The following ARID4B variants were observed in gnomAD, a reference collection of about 807,000 sequenced individuals.
ARID4B encodes the protein AT-rich interaction domain 4B.
A neutral mutation model predicts 147.5 loss-of-function variants in ARID4B; 26 were observed. That is an observed-to-expected ratio of 0.18 (90% CI 0.13 to 0.24). The LOEUF (loss-of-function observed/expected upper bound fraction) is 0.24, where lower values mean the gene tolerates loss of function less well. Among genes scored for constraint, ARID4B ranks in the 10% least tolerant of loss-of-function variants. The pLI is 1.00. For synonymous variants in ARID4B, 512 were observed against 507.9 expected, an observed-to-expected ratio of 1.01 and a Z score of -0.11; for missense variants, 1,179 against 1,511.5, an observed-to-expected ratio of 0.78 and a Z score of 3.65.
At chr1:235,237,236 C>T (rs1668668013) in intron 8 of ARID4B, among the ~76,000 whole-genome samples, 1 of 151,916 alleles carries the variant, frequency 6.6e-6, no homozygotes, top group African/African-American at 2.4e-5. Flanking sequence ...AAGAAAGAAT[C>T]GCAAACACTG....
At chr1:235,238,696 G>A (rs200544927) in intron 8 of ARID4B, among the ~76,000 whole-genome samples, 2 of 152,126 alleles carry the variant, frequency 1.3e-5, no homozygotes, top group East Asian at 3.9e-4. Flanking sequence ...TATTTACAAA[G>A]TATTTAAAAA....
chr1:235,270,840 T>TCATGATCTG (rs59358887), intron 2 of ARID4B, among the ~76,000 whole-genome samples: 19,867 of 152,002 alleles, frequency 0.13, 1,490 homozygotes, highest in African/African-American at 0.2. Flanking sequence ...ACATAAACTT[T>TCATGATCTG]CATGATCTGG....
At chr1:235,215,907 A>AT (rs1205216673) in intron 16 of ARID4B, among the ~76,000 whole-genome samples, 1 of 151,842 alleles carries the variant, frequency 6.6e-6, no homozygotes, top group Non-Finnish European at 1.5e-5. Flanking sequence ...TAATATTTAT[A>AT]TTAAAAAAAA....
intron 8 of ARID4B, among the ~76,000 whole-genome samples, chr1:235,238,980 T>C (rs965034129): frequency 1.1e-4 from 15 of 138,240 alleles, no homozygotes; most frequent in African/African-American, 1.6e-4. Flanking sequence ...ATTCTTTTTT[T>C]TTCTTCTTTT....
intron 4 of ARID4B, among the ~76,000 whole-genome samples, 161 bp from the exon 5 acceptor site, chr1:235,255,911 C>T (rs1201459199): frequency 2.0e-5 from 3 of 152,056 alleles, no homozygotes; most frequent in Admixed American, 6.6e-5. Flanking sequence ...CAGTGGCTCA[C>T]GCCTGCAATC....
At position 235,240,393 on chromosome 1, in the gene ARID4B, T is replaced by C. The variant is rs759515175; in HGVS notation, c.505A>G (p.Ile169Val). The C allele has an allele frequency of 2.5e-6, 4 of 1,613,516 alleles. No individual in the cohort carries two copies. The highest frequency in any genetic ancestry group is 3.4e-6 in the Non-Finnish European group (4 of 1,179,622). ...SDEDEDDRKQ[I>V]DELLGKVVCV... ...ACAACTTTGCCTAGTAGCTCATCAA[T>C]CTGTTTCCTATCATCCTCATCTTCA... is the stretch of plus-strand genomic sequence containing the variant. The change falls in exon 8 of 24, where the codon ATT becomes GTT. Residue 169 changes from isoleucine (I) to valine (V), a missense_variant. Physicochemically the swap from Ile to Val is conservative, Grantham distance 29. Coordinates refer to ENST00000264183, the MANE Select transcript of ARID4B (RefSeq NM_016374.6).
intron 2 of ARID4B, among the ~76,000 whole-genome samples, chr1:235,314,125 G>A (rs1193562288): frequency 6.6e-6 from 1 of 152,056 alleles, no homozygotes; most frequent in Admixed American, 6.6e-5. Context: ...TATTTTAGAT[G>A]AGGACACCAG....
intron 8 of ARID4B, among the ~76,000 whole-genome samples, chr1:235,234,730 C>CAG (rs962698745): frequency 1.3e-5 from 2 of 152,082 alleles, no homozygotes; most frequent in Middle Eastern, 6.3e-3. Context: ...GCATTGAAAG[C>CAG]AGAAGCACAG....
intron 2 of ARID4B, among the ~76,000 whole-genome samples, chr1:235,268,720 G>A (rs2103136379): frequency 6.6e-6 from 1 of 152,228 alleles, no homozygotes; most frequent in Admixed American, 6.5e-5. Flanking sequence ...ATTTCACCAT[G>A]TTGGTCAGGC....
chr1:235,308,083 A>ATTT (rs368457519), intron 2 of ARID4B, among the ~76,000 whole-genome samples: 15 of 102,758 alleles, frequency 1.5e-4, no homozygotes, highest in African/African-American at 3.3e-4. Flanking sequence ...ATTTCTTCTA[A>ATTT]TTTTTTTTTT....
At chr1:235,264,508 T>C (rs1232981968) in intron 2 of ARID4B, among the ~76,000 whole-genome samples, 1 of 152,212 alleles carries the variant, frequency 6.6e-6, no homozygotes, top group Non-Finnish European at 1.5e-5. Flanking sequence ...GGCAAGGTCC[T>C]AATCCAAGCT....
chr1:235,275,093 A>G (rs866567778), intron 2 of ARID4B, among the ~76,000 whole-genome samples: 6 of 152,196 alleles, frequency 3.9e-5, no homozygotes, highest in South Asian at 4.1e-4. Flanking sequence ...TCATATTTTA[A>G]TAAGTAAAAT....
At chr1:235,185,017 A>T (rs774334351) in intron 19 of ARID4B, among the ~76,000 whole-genome samples, 1 of 152,132 alleles carries the variant, frequency 6.6e-6, no homozygotes, top group Non-Finnish European at 1.5e-5. Flanking sequence ...AAGTTTCATC[A>T]TTTTAGACAG....
intron 2 of ARID4B, among the ~76,000 whole-genome samples, chr1:235,303,016 C>A (rs1238550040): frequency 6.6e-6 from 1 of 152,034 alleles, no homozygotes; most frequent in Admixed American, 6.5e-5. Flanking sequence ...CTCCGCCTCC[C>A]GGGTTCACGC....
chr1:235,252,588 C>T, intron 6 of ARID4B, 142 bp downstream of exon 6: 1 of 562,432 alleles, frequency 1.8e-6, no homozygotes, highest in Middle Eastern at 5.0e-4. Context: ...CTTAAACAGG[C>T]TTCACAGATT....
intron 2 of ARID4B, among the ~76,000 whole-genome samples, chr1:235,317,582 T>C (rs1674528017): frequency 6.6e-6 from 1 of 152,224 alleles, no homozygotes; most frequent in African/African-American, 2.4e-5. Flanking sequence ...CTGCTTTTTA[T>C]TTTCTAGTAA....
chr1:235,199,584 G>A (rs1370644111), intron 17 of ARID4B, among the ~76,000 whole-genome samples: 4 of 152,166 alleles, frequency 2.6e-5, no homozygotes, highest in Non-Finnish European at 2.9e-5. Flanking sequence ...TGGACTGCCC[G>A]GGAAAAGATT....
chr1:235,237,805 A>G (rs533896025), intron 8 of ARID4B, among the ~76,000 whole-genome samples: 138 of 152,348 alleles, frequency 9.1e-4, no homozygotes, highest in African/African-American at 3.0e-3. Context: ...GGAAAATGAG[A>G]GAATGAGAAT....
chr1:235,236,833 A>AAAATATATATATATAT (rs1175189621), intron 8 of ARID4B, among the ~76,000 whole-genome samples: 1 of 33,522 alleles, frequency 3.0e-5, no homozygotes, highest in East Asian at 1.5e-3. Flanking sequence ...TTTTATAAAA[A>AAAATATATATATATAT]ATATATATAT....
Sources: allele counts gnomAD v4.1 joint callset (sites outside exome capture counted in the v4.1 genomes callset), GRCh38; gene constraint gnomAD v4.1.1; transcripts MANE v1.5; gene names NCBI Gene and HGNC (gene_info 2026-07-23, HGNC 2026-07-21).